Variants in DOCK9 observed in about 807,000 individuals in gnomAD.
DOCK9 encodes dedicator of cytokinesis protein 9.
A neutral mutation model predicts 263.3 loss-of-function variants in DOCK9; 89 were observed. The ratio of observed to expected loss-of-function variants is 0.34; its 90% CI spans 0.28 to 0.40. The LOEUF (loss-of-function observed/expected upper bound fraction) is 0.40. Among genes scored for constraint, DOCK9 ranks in the 10% least tolerant of loss-of-function variants. The probability of loss-of-function intolerance (pLI) is 1.00; values close to 1 mark genes in which losing one functional copy is unlikely to be tolerated. For missense variants in DOCK9, 2,140 were observed against 2,603.4 expected (o/e 0.82, Z 3.87); for synonymous variants, 976 against 973.1 (o/e 1.00, Z -0.06).
At chr13:98,887,144 T>TATATATATGTATATA in intron 18 of DOCK9, among the ~76,000 whole-genome samples, 1 of 26,732 alleles carries the variant, frequency 3.7e-5, no homozygotes, top group East Asian at 5.3e-4. Context: ...TATATATATA[T>TATATATATGTATATA]TTTTTTTTTT....
chr13:98,838,904 GA>G, intron 38 of DOCK9, among the ~76,000 whole-genome samples: 1 of 152,060 alleles, frequency 6.6e-6, no homozygotes, highest in South Asian at 2.1e-4. Flanking sequence ...CCAGTAATGG[GA>G]AAAAAACAGA....
At chr13:98,937,123 G>T (rs1381477324) in intron 2 of DOCK9, among the ~76,000 whole-genome samples, 5 of 152,138 alleles carry the variant, frequency 3.3e-5, no homozygotes, top group African/African-American at 1.2e-4. Context: ...ATAAAGGTGG[G>T]CATTCATAGC....
chr13:98,827,567 C>A (rs559717729), intron 43 of DOCK9, among the ~76,000 whole-genome samples: 1 of 152,368 alleles, frequency 6.6e-6, no homozygotes, highest in South Asian at 2.1e-4. Flanking sequence ...AGACCCTCAC[C>A]CCTAGCTACT....
intron 39 of DOCK9, chr13:98,834,351 T>C (rs1484472967): frequency 6.6e-6 from 1 of 152,232 alleles, no homozygotes; most frequent in Non-Finnish European, 1.5e-5. Flanking sequence ...AAAATCAGTT[T>C]GCAGAAGAGC....
chr13:99,074,696 C>G (rs1322747927), intron 1 of DOCK9, among the ~76,000 whole-genome samples: 1 of 152,220 alleles, frequency 6.6e-6, no homozygotes, highest in African/African-American at 2.4e-5. Context: ...AACTCAGAAA[C>G]TGCCTCTTCT....
intron 1 of DOCK9, among the ~76,000 whole-genome samples, chr13:99,000,702 C>A (rs150450738): frequency 2.0e-3 from 302 of 152,210 alleles, no homozygotes; most frequent in African/African-American, 6.7e-3. Context: ...TGACAAAATG[C>A]CCCCAAACCT....
At chr13:98,806,275 A>G (rs185065130) in intron 48 of DOCK9, among the ~76,000 whole-genome samples, 15 of 152,360 alleles carry the variant, frequency 9.8e-5, no homozygotes, top group Non-Finnish European at 1.9e-4. Flanking sequence ...TTTAACATAT[A>G]AATGCTTTTA....
chr13:98,843,724 G>A (rs564337163), intron 38 of DOCK9, among the ~76,000 whole-genome samples: 18 of 152,178 alleles, frequency 1.2e-4, no homozygotes, highest in Non-Finnish European at 2.1e-4. Flanking sequence ...GTGGGTAGCA[G>A]GAAGACAGAA....
intron 45 of DOCK9, among the ~76,000 whole-genome samples, chr13:98,815,420 A>C (rs1289321): frequency 0.93 from 141,168 of 152,274 alleles, 65,827 homozygotes; most frequent in East Asian, 1. Flanking sequence ...ATCATTTGGT[A>C]CCTTCGGTTC....
At chr13:99,074,486 C>T (rs1245990457) in intron 1 of DOCK9, among the ~76,000 whole-genome samples, 2 of 152,230 alleles carry the variant, frequency 1.3e-5, no homozygotes, top group East Asian at 3.8e-4. Flanking sequence ...GCTATGTGAA[C>T]TATGCAGGCC....
intron 1 of DOCK9, among the ~76,000 whole-genome samples, chr13:99,057,444 G>A (rs1457300688): frequency 2.0e-5 from 3 of 152,114 alleles, no homozygotes; most frequent in Admixed American, 2.0e-4. Flanking sequence ...GTAAGTCCTG[G>A]GTGAGCTGAG....
intron 38 of DOCK9, 49 bp downstream of exon 38, chr13:98,845,875 A>T (rs2141350458): frequency 6.2e-7 from 1 of 1,602,396 alleles, no homozygotes; most frequent in East Asian, 2.2e-5. Context: ...CCCCTCTGAG[A>T]TGGCACATGA....
chr13:98,799,023 A>G (rs561041825), intron 50 of DOCK9, among the ~76,000 whole-genome samples: 1 of 152,290 alleles, frequency 6.6e-6, no homozygotes, highest in Admixed American at 6.5e-5. Flanking sequence ...AGCTACAGAA[A>G]ATTGTGGCCT....
intron 39 of DOCK9, among the ~76,000 whole-genome samples, chr13:98,836,690 G>C (rs1416313946): frequency 1.3e-5 from 2 of 152,100 alleles, no homozygotes; most frequent in Non-Finnish European, 1.5e-5. Context: ...CGGCTAAGGA[G>C]AGTAAAGGTA....
chr13:98,861,996 G>C (rs1474507519), intron 32 of DOCK9, among the ~76,000 whole-genome samples: 1 of 152,152 alleles, frequency 6.6e-6, no homozygotes, highest in Non-Finnish European at 1.5e-5. Context: ...GGGCTACCAT[G>C]ACCTCTTCCA....
upstream of DOCK9, among the ~76,000 whole-genome samples, chr13:99,086,811 G>A (rs1276419387): frequency 6.7e-6 from 1 of 150,198 alleles, no homozygotes; most frequent in African/African-American, 2.4e-5. Context: ...CGGCCGGACT[G>A]GCAGGGGCGG....
intron 15 of DOCK9, among the ~76,000 whole-genome samples, chr13:98,896,485 T>C (rs1196690316): frequency 6.9e-6 from 1 of 144,670 alleles, no homozygotes; most frequent in Non-Finnish European, 1.5e-5. Flanking sequence ...TATTTTGATA[T>C]GCACAAAAAA....
intron 15 of DOCK9, among the ~76,000 whole-genome samples, chr13:98,893,557 A>G (rs941690957): frequency 4.6e-5 from 7 of 152,188 alleles, no homozygotes; most frequent in Non-Finnish European, 1.0e-4. Context: ...ATTGCAAGGG[A>G]AAAAGGAAAG....
chr13:98,858,586 C>T (rs1291183589), intron 33 of DOCK9: 2 of 152,106 alleles, frequency 1.3e-5, no homozygotes, highest in East Asian at 3.9e-4. Context: ...ATGAGGCTTC[C>T]CTGGAAGGTA....
Sources: gnomAD v4.1 joint callset for allele counts (sites outside exome capture counted in the v4.1 genomes callset) on GRCh38, gnomAD v4.1.1 for gene constraint, MANE v1.5 for transcripts, NCBI Gene and HGNC (gene_info 2026-07-23, HGNC 2026-07-21) for gene names.